ZGRF1: variants seen among roughly 807,000 people sequenced by gnomAD.
ZGRF1 encodes the protein 5'-3' DNA helicase ZGRF1.
Under a neutral mutation model 203.5 loss-of-function variants are expected in ZGRF1, and 196 were observed. The ratio of observed to expected loss-of-function variants is 0.96; its 90% confidence interval spans 0.86 to 1.08. The LOEUF (loss-of-function observed/expected upper bound fraction) is 1.08. Ranked by LOEUF, ZGRF1 falls within the 50% of genes least tolerant of loss-of-function variation. The pLI, the probability that ZGRF1 is intolerant of heterozygous loss-of-function variation, is 0.00. For missense variants in ZGRF1, 2,326 were observed against 2,416.3 expected (o/e 0.96, Z 0.78); for synonymous variants, 809 against 841.3 (o/e 0.96, Z 0.66).
Position 112,617,918 on chromosome 4 carries a change from A to G in ZGRF1, c.2124T>C (p.Asp708=), listed in dbSNP as rs1469963019. The G allele has an allele frequency of 6.2e-7, 1 of 1,613,768 alleles. No homozygotes were observed. The highest frequency in any genetic ancestry group is 2.2e-5 in the East Asian group (1 of 44,864). The change falls in exon 6 of 28, where the codon GAT becomes GAC. Residue 708 remains aspartate, a synonymous_variant. Transcript: ENST00000505019. ...CCAAAATAAAAGGCTGAGGTTGAGC[A>G]TCTTCTGAAAATAGATTACTGTTTT... ...IAENSNLFSE[D]AQPQPFILGS... is the part of the protein sequence containing the mutation.
intron 6 of ZGRF1, among the ~76,000 whole-genome samples, chr4:112,616,836 A>T (rs200729513): frequency 5.5e-5 from 1 of 18,276 alleles, no homozygotes; most frequent in Non-Finnish European, 1.3e-4. Context: ...AAACTGTCTT[A>T]AAAAAAAAAA....
rs757820224 is a variant in ZGRF1, at chr4:112,583,977, C to T, written c.4298+1G>A. On this transcript the variant is annotated splice_donor_variant, in intron 15 of 27. Coordinates refer to ENST00000505019, the MANE Select transcript of ZGRF1 (RefSeq NM_018392.5). LOFTEE classifies it high-confidence loss of function. ...CAATTATTTGGTACTATAAAACATA[C>T]CTCACCAAAAGCTGGCATTCCTCAT... 1.3e-6 allele frequency: 2 copies of T among 1,589,856 alleles called. No homozygotes were observed. The highest frequency in any genetic ancestry group is 1.7e-6 in the Non-Finnish European group (2 of 1,167,508).
intron 20 of ZGRF1, among the ~76,000 whole-genome samples, chr4:112,555,358 T>C (rs565993769): frequency 1.3e-5 from 2 of 152,306 alleles, no homozygotes; most frequent in South Asian, 4.1e-4. Flanking sequence ...GCTCTAGCAC[T>C]ATGCTGGGAA....
chr4:112,567,224 G>GCTC (rs1743277378), intron 16 of ZGRF1, among the ~76,000 whole-genome samples: 1 of 152,140 alleles, frequency 6.6e-6, no homozygotes, highest in Non-Finnish European at 1.5e-5. Flanking sequence ...AACTCCCTGA[G>GCTC]CTCCTTGGAG....
chr4:112,562,398 A>G lies in ZGRF1; in HGVS notation c.4670T>C (p.Leu1557Pro), dbSNP rs2148897758. The stretch of plus-strand genomic sequence containing the variant: ...TGTTAACAGGTACTGTGTTAGAGGT[A>G]GAGTAGCTGGATTAAAGTAGTCCTG... ...NIQDYFNPAT[L>P]PLTQYLLTTS... The change falls in exon 18 of 28, where the codon CTA (leucine) becomes CCA (proline). Residue 1557 changes from leucine to proline, a missense_variant. Leu to Pro is a moderately conservative substitution (Grantham distance 98, BLOSUM62 -3). Coordinates refer to ENST00000505019, the MANE Select transcript of ZGRF1 (RefSeq NM_018392.5). 3 of 1,606,644 alleles carry G rather than the reference A, an allele frequency of 1.9e-6. No individual in the cohort carries two copies. The highest frequency in any genetic ancestry group is 2.2e-5 in the East Asian group (1 of 44,784).
intron 14 of ZGRF1, among the ~76,000 whole-genome samples, chr4:112,584,644 T>C (rs961763074): frequency 3.3e-5 from 5 of 152,208 alleles, no homozygotes; most frequent in Non-Finnish European, 5.9e-5. Context: ...CATGCAACTA[T>C]GTCATCAAAT....
intron 26 of ZGRF1, among the ~76,000 whole-genome samples, 173 bp downstream of exon 26, chr4:112,540,648 C>G (rs1016120263): frequency 2.0e-5 from 3 of 151,938 alleles, no homozygotes; most frequent in African/African-American, 7.3e-5. Context: ...TTTAATTATA[C>G]AGAAAAAAAG....
intron 3 of ZGRF1, among the ~76,000 whole-genome samples, chr4:112,631,407 C>T (rs746849931): frequency 6.6e-6 from 1 of 152,080 alleles, no homozygotes; most frequent in Admixed American, 6.6e-5. Context: ...CAGTGGCTCA[C>T]TCCTGTAATC....
rs142560836 is a variant in ZGRF1, at chr4:112,601,542, C to A, written c.2976+1982G>T. On this transcript the variant is annotated intron_variant, in intron 10 of 27. Transcript: ENST00000505019. ...TGAGCTGAGATCACGCCACTGCACT[C>A]CAGACTGGGTGACAGAGCAAGACCT... Among the ~76,000 whole-genome samples the A allele has an allele frequency of 4.0e-3, 608 of 151,188 alleles. 3 individuals are homozygous for A. Among genetic ancestry groups the A allele is most frequent in the African/African-American group, 0.013 (553 of 41,130 alleles).
At chr4:112,558,371 TTC>T in intron 19 of ZGRF1, 62 bp from the exon 20 acceptor site, 1 of 1,331,426 alleles carries the variant, frequency 7.5e-7, no homozygotes. Context: ...CTTTTTTCTT[TTC>T]TTTTTCTTGA....
At chr4:112,603,729 A>T (rs772215008) in intron 9 of ZGRF1, 32 bp from the exon 10 acceptor site, 11 of 1,542,792 alleles carry the variant, frequency 7.1e-6, no homozygotes, top group Non-Finnish European at 8.9e-6. Flanking sequence ...TAAGAACTGC[A>T]TAACTATATG....
intron 10 of ZGRF1, among the ~76,000 whole-genome samples, chr4:112,602,383 T>TC (rs1750119356): frequency 6.6e-6 from 1 of 152,140 alleles, no homozygotes; most frequent in South Asian, 2.1e-4. Flanking sequence ...AAAAACAGCA[T>TC]CAAGTGTTGG....
intron 16 of ZGRF1, among the ~76,000 whole-genome samples, chr4:112,576,566 C>A (rs150542388): frequency 2.6e-5 from 4 of 152,034 alleles, no homozygotes; most frequent in African/African-American, 7.2e-5. Context: ...GAATAACCAA[C>A]GCACAGAAGT....
chr4:112,584,124 G>T lies in ZGRF1; in HGVS notation c.4152C>A (p.Phe1384Leu), dbSNP rs765744654. 5.8e-5 allele frequency: 93 copies of T among 1,613,258 alleles called. No homozygotes were observed. The highest frequency in any genetic ancestry group is 7.8e-5 in the Non-Finnish European group (92 of 1,179,646). The change falls in exon 15 of 28, where the codon TTC (phenylalanine) becomes TTA (leucine). Residue 1384 changes from phenylalanine to leucine, a missense_variant. Transcript: ENST00000505019. ...GAGTCACGTCCTCAAGCCATTTAAA[G>T]AATTTACATCGATCAGCTTTGGGTC... Reference protein sequence around the residue: ...CDGPKADRCKFFKWLEDVTPG... With the variant: ...CDGPKADRCKLFKWLEDVTPG...
intron 16 of ZGRF1, among the ~76,000 whole-genome samples, chr4:112,581,176 G>A (rs1265731094): frequency 2.0e-5 from 3 of 150,340 alleles, no homozygotes; most frequent in Non-Finnish European, 3.0e-5. Context: ...ACTATCGCAA[G>A]GACAAAAAAC....
chr4:112,587,312 T>C lies in ZGRF1; in HGVS notation c.3745A>G (p.Thr1249Ala). ...TCCTTTACACTGTAGTTGTAGCAGG[T>C]AGACCCTCCTAATACATTTTTAATT... ...EEIKNVLGGS[T>A]CYNYSVKDLQ... is the part of the protein sequence containing the mutation. Residue 1249 changes from threonine to alanine, a missense_variant, in exon 12 of 28, where the codon ACC becomes GCC. Transcript: ENST00000505019. The C allele has an allele frequency of 6.2e-7, 1 of 1,612,374 alleles. No homozygotes were observed. The highest frequency in any genetic ancestry group is 8.5e-7 in the Non-Finnish European group (1 of 1,179,426).
chr4:112,623,300 T>C (rs936061189), intron 4 of ZGRF1, among the ~76,000 whole-genome samples: 5 of 152,370 alleles, frequency 3.3e-5, no homozygotes, highest in Admixed American at 2.0e-4. Context: ...CTATTGTGAA[T>C]AGTGCTACAA....
chr4:112,585,742 A>AAG lies in ZGRF1; in HGVS notation c.3917-19_3917-18dup, dbSNP rs1553991866. 6.7e-7 allele frequency: 1 copy of AAG among 1,497,688 alleles called. No homozygotes were observed. The highest frequency in any genetic ancestry group is 2.3e-5 in the East Asian group (1 of 42,986). The allele number at this position is 1,497,688 out of a possible 1,614,324, so 92.8% of individuals were successfully genotyped here. A position where few individuals can be genotyped will look rare whatever the true frequency, so the allele number is the denominator to read the frequency against. ...TTAGATGTTCTACAAAAAAAAAAAA[A>AAG]AGAGAGCAGAAAATTAAATACAAAA... is the stretch of plus-strand genomic sequence containing the variant. On this transcript the variant is annotated splice_polypyrimidine_tract_variant and intron_variant, in intron 13 of 27. Transcript: ENST00000505019.
At chr4:112,546,481 A>G (rs1738797984) in intron 24 of ZGRF1, among the ~76,000 whole-genome samples, 1 of 152,212 alleles carries the variant, frequency 6.6e-6, no homozygotes, top group South Asian at 2.1e-4. Context: ...GATGAATGCA[A>G]TGGTTTGAAT....
Sources: gnomAD v4.1 joint callset for allele counts (sites outside exome capture counted in the v4.1 genomes callset) on GRCh38, gnomAD v4.1.1 for gene constraint, MANE v1.5 for transcripts, NCBI Gene and HGNC (gene_info 2026-07-23, HGNC 2026-07-21) for gene names.